ZFYVE28: variants seen among roughly 807,000 people sequenced by gnomAD.
ZFYVE28 encodes the protein zinc finger FYVE-type containing 28, also known as lateral signaling target protein 2 homolog.
ZFYVE28 carries 40 observed loss-of-function variants against 82.1 expected under a neutral mutation model. The observed-to-expected ratio is 0.49, with a 90% confidence interval of 0.38 to 0.63. ZFYVE28 has a LOEUF of 0.63. Ranked by LOEUF, ZFYVE28 falls within the 30% of genes least tolerant of loss-of-function variation. The pLI is 0.00. For synonymous variants in ZFYVE28, 612 were observed against 546.1 expected (o/e 1.12, Z -1.68); for missense variants, 1,321 against 1,242.1 (o/e 1.06, Z -0.96).
intron 1 of ZFYVE28, among the ~76,000 whole-genome samples, chr4:2,377,345 T>G (rs948069376): frequency 3.9e-5 from 6 of 152,196 alleles, no homozygotes; most frequent in Non-Finnish European, 2.9e-5. Context: ...TTATCTCTAT[T>G]TTAGGACACA....
chr4:2,354,707 C>T (rs1246805971), intron 1 of ZFYVE28, among the ~76,000 whole-genome samples: 4 of 152,076 alleles, frequency 2.6e-5, no homozygotes. Flanking sequence ...GATCCACGCG[C>T]CTCAGCCTCC....
chr4:2,378,798 G>A (rs930204950), intron 1 of ZFYVE28, among the ~76,000 whole-genome samples: 3 of 152,124 alleles, frequency 2.0e-5, no homozygotes, highest in East Asian at 1.9e-4. Flanking sequence ...TTTCAGACCC[G>A]ATACCCAGCC....
intron 8 of ZFYVE28, among the ~76,000 whole-genome samples, chr4:2,296,724 G>A (rs1349120788): frequency 1.3e-5 from 2 of 152,108 alleles, no homozygotes; most frequent in African/African-American, 2.4e-5. Context: ...GGGGAGGCCC[G>A]CGGGGCGGCA....
In ZFYVE28 at chr4:2,410,424, C is replaced by T. The variant is rs1408834402; in HGVS notation, c.39+7861G>A. The stretch of plus-strand genomic sequence containing the variant: ...ATCATCCTGTATTCCAGGCTCATGG[C>T]GATGGCTTGTATCAGAACATCCTCC... On this transcript the variant is annotated intron_variant, in intron 1 of 12. Coordinates refer to ENST00000290974, the MANE Select transcript of ZFYVE28 (RefSeq NM_020972.3). 2.7e-5 allele frequency among the ~76,000 whole-genome samples: 4 copies of T among 146,114 alleles called. No individual in the cohort carries two copies. In the South Asian group the frequency reaches 8.8e-4, roughly 32 times the overall value.
rs774644261 is a variant in ZFYVE28 at position 2,304,733 on chromosome 4, G to A, written c.1607C>T (p.Ala536Val). Residue 536 changes from alanine (A) to valine (V), a missense_variant, in exon 8 of 13, where the codon GCC (alanine) becomes GTC (valine). Ala to Val is a moderately conservative substitution (Grantham distance 64, BLOSUM62 0). Transcript: ENST00000290974. ...CCCCTCGGCCACGGGCTCCGAGGCG[G>A]CCTCCTGGGTGGCGACCGCAGAGTC... is the stretch of plus-strand genomic sequence containing the variant. ...SLDSAVATQEAASEPVAEGMD... is the reference protein window; with the variant it reads ...SLDSAVATQEVASEPVAEGMD... The A allele has an allele frequency of 6.5e-5, 105 of 1,612,566 alleles. No homozygotes were observed. The highest frequency in any genetic ancestry group is 1.8e-4 in the Admixed American group (11 of 59,996).
chr4:2,317,595 C>G (rs1215220353), intron 7 of ZFYVE28, among the ~76,000 whole-genome samples: 1 of 152,108 alleles, frequency 6.6e-6, no homozygotes, highest in Non-Finnish European at 1.5e-5. Context: ...CAAAATCTGG[C>G]AAACGTCTCT....
chr4:2,306,873 A>G (rs931191920), intron 7 of ZFYVE28: 1 of 152,162 alleles, frequency 6.6e-6, no homozygotes, highest in Non-Finnish European at 1.5e-5. Flanking sequence ...TAGTTCCTTT[A>G]TCTGTTACAC....
chr4:2,293,934 A>G (rs1714144712), intron 8 of ZFYVE28, among the ~76,000 whole-genome samples: 1 of 152,192 alleles, frequency 6.6e-6, no homozygotes, highest in Non-Finnish European at 1.5e-5. Context: ...TAAAAACCAT[A>G]AAACTTTGCT....
chr4:2,283,658 C>G (rs912607037), intron 8 of ZFYVE28, among the ~76,000 whole-genome samples: 23 of 152,250 alleles, frequency 1.5e-4, no homozygotes, highest in African/African-American at 5.5e-4. Context: ...AGGAATTGCA[C>G]AGTTCAGCCC....
rs867231172 is a variant in ZFYVE28 at position 2,341,680 on chromosome 4, C to A, written c.181-65G>T. On this transcript the variant is annotated intron_variant, in intron 2 of 12. Coordinates refer to ENST00000290974, the MANE Select transcript of ZFYVE28 (RefSeq NM_020972.3). The surrounding 1 kb of genome is among the most constrained non-coding windows in gnomAD (Gnocchi z 4.5). ...TCCAGCTGGCGGCCGCCATGTACTG[C>A]TGGAAAACACGCACGGTGCATGTGA... The A allele has an allele frequency of 1.9e-6, 3 of 1,572,542 alleles. No homozygotes were observed. The highest frequency in any genetic ancestry group is 1.7e-4 in the Middle Eastern group (1 of 5,892).
At position 2,372,179 on chromosome 4, in the gene ZFYVE28, G is replaced by A. The variant is rs529349931; in HGVS notation, c.40-18106C>T. On this transcript the variant is annotated intron_variant, in intron 1 of 12. Coordinates refer to ENST00000290974, the MANE Select transcript of ZFYVE28 (RefSeq NM_020972.3). The surrounding 1 kb of genome is among the most constrained non-coding windows in gnomAD (Gnocchi z 5.2). The stretch of plus-strand genomic sequence containing the variant: ...GTTTTGTTTGCTGTTACCTATTCCC[G>A]TGACCAACAGGACCCAAAGGACCTT... Among the ~76,000 whole-genome samples the A allele has an allele frequency of 9.2e-4, 140 of 152,232 alleles. No homozygotes were observed. Among genetic ancestry groups the A allele is most frequent in the Non-Finnish European group, 1.7e-3 (114 of 68,010 alleles).
rs555783625 is a variant in ZFYVE28, at chr4:2,273,162, T to G, written c.2323+11A>C. 1.2e-6 allele frequency: 2 copies of G among 1,608,274 alleles called. No individual in the cohort carries two copies. Among genetic ancestry groups the G allele is most frequent in the African/African-American group, 1.3e-5 (1 of 74,926 alleles). The stretch of plus-strand genomic sequence containing the variant: ...CGCAGGCCTCAGAGCCCGTCCTGAG[T>G]GGGCACTCACCCTTCCTTAACTTTT... On this transcript the variant is annotated intron_variant, in intron 10 of 12. Coordinates refer to ENST00000290974, the MANE Select transcript of ZFYVE28 (RefSeq NM_020972.3).
intron 6 of ZFYVE28, chr4:2,329,040 A>C: frequency 1.5e-6 from 1 of 682,998 alleles, no homozygotes. Context: ...TTTTGAAATC[A>C]GGACGTATGA....
At chr4:2,365,941 G>A (rs1010143406) in intron 1 of ZFYVE28, among the ~76,000 whole-genome samples, 3 of 152,214 alleles carry the variant, frequency 2.0e-5, no homozygotes, top group East Asian at 1.9e-4. Context: ...GGCAGAGCAC[G>A]GCCCCTGCCC....
intron 1 of ZFYVE28, among the ~76,000 whole-genome samples, chr4:2,360,817 G>T (rs961536050): frequency 6.6e-6 from 1 of 152,120 alleles, no homozygotes; most frequent in African/African-American, 2.4e-5. Flanking sequence ...AGCACGACGG[G>T]GCTCACCCTC....
intron 8 of ZFYVE28, among the ~76,000 whole-genome samples, chr4:2,275,991 A>G (rs1189462119): frequency 2.0e-5 from 3 of 152,210 alleles, no homozygotes; most frequent in African/African-American, 7.2e-5. Context: ...GCCAACGCGC[A>G]CGAATCCCAC....
At position 2,365,419 on chromosome 4, in the gene ZFYVE28, AT is replaced by A. The variant is rs543367344; in HGVS notation, c.40-11347del. ...GGGGCCTCTCAGTGCACGCAGGGTA[AT>A]AAGGGTAACAACAACGCCAGCCTCC... On this transcript the variant is annotated intron_variant, in intron 1 of 12. Coordinates refer to ENST00000290974, the MANE Select transcript of ZFYVE28 (RefSeq NM_020972.3). 5.9e-5 allele frequency among the ~76,000 whole-genome samples: 9 copies of A among 152,198 alleles called. No individual in the cohort carries two copies. In the South Asian group the frequency reaches 1.9e-3, roughly 32 times the overall value.
Position 2,298,709 on chromosome 4 carries a change from G to A in ZFYVE28, c.2051+5580C>T, listed in dbSNP as rs78257164. ...CAGTCACAGAGGCGCCCGACTGCAC[G>A]ACGGAGCAGGCCTGGCCTTGCCCCC... On this transcript the variant is annotated intron_variant, in intron 8 of 12. Transcript: ENST00000290974. Among the ~76,000 whole-genome samples the A allele has an allele frequency of 4.8e-3, 730 of 152,360 alleles. 37 individuals carry two copies. In the East Asian group the frequency reaches 0.12, roughly 25 times the overall value.
chr4:2,392,540 T>G (rs1729952795), intron 1 of ZFYVE28, among the ~76,000 whole-genome samples: 1 of 152,222 alleles, frequency 6.6e-6, no homozygotes. Context: ...AGCCAGTGTC[T>G]GCAAGCAGGT....
Sources: allele counts gnomAD v4.1 joint callset (sites outside exome capture counted in the v4.1 genomes callset), GRCh38; gene constraint gnomAD v4.1.1; non-coding constraint Gnocchi (gnomAD v3.1); transcripts MANE v1.5; gene names NCBI Gene and HGNC (gene_info 2026-07-23, HGNC 2026-07-21).